HHIPL2: variants seen among roughly 807,000 people sequenced by gnomAD.
HHIPL2 encodes HHIP like 2, also known as HHIP-like protein 2.
HHIPL2 carries 61 observed loss-of-function variants against 61.0 expected under a neutral mutation model. The observed-to-expected ratio is 1.00, with a 90% confidence interval of 0.81 to 1.24. HHIPL2 has a LOEUF of 1.24. Among genes scored for constraint, HHIPL2 ranks in the 50% most tolerant of loss-of-function variants. HHIPL2 has a pLI of 0.00. For missense variants in HHIPL2, 885 were observed against 910.2 expected (o/e 0.97, Z 0.36); for synonymous variants, 343 against 357.4 (o/e 0.96, Z 0.45).
In HHIPL2 at chr1:222,538,649, C is replaced by G. The variant is rs1408720826; in HGVS notation, c.1576G>C (p.Gly526Arg). The change falls in exon 5 of 9, where the codon GGT (glycine) becomes CGT (arginine). Residue 526 changes from glycine (G) to arginine (R), a missense_variant and splice_region_variant. Gly to Arg is a moderately radical substitution (Grantham distance 125). Coordinates refer to ENST00000343410, the MANE Select transcript of HHIPL2 (RefSeq NM_024746.4). Reference sequence around the variant, plus strand: ...GAAGGGACATCAGTCCTTCCTTACCCACTCATGAAGTCTCCAAAGATATAC... The same window carrying G: ...GAAGGGACATCAGTCCTTCCTTACCGACTCATGAAGTCTCCAAAGATATAC... ...GLYIFGDFMSGRLMALQEDRK... is the reference protein window; with the variant it reads ...GLYIFGDFMSRRLMALQEDRK... 4 of 1,613,188 alleles carry G rather than the reference C, an allele frequency of 2.5e-6. No homozygotes were observed. Among genetic ancestry groups the G allele is most frequent in the Non-Finnish European group, 3.4e-6 (4 of 1,179,306 alleles).
intron 7 of HHIPL2, among the ~76,000 whole-genome samples, chr1:222,524,646 A>G (rs1488765242): frequency 6.6e-6 from 1 of 152,222 alleles, no homozygotes; most frequent in African/African-American, 2.4e-5. Flanking sequence ...CATGTTCTCA[A>G]CCACTGTATT....
In HHIPL2 at chr1:222,547,581, G is replaced by A. The variant is rs554820143; in HGVS notation, c.321+143C>T. ...TCAGCACACACTCATGTCAGTGTGCGTGTCCAAAGCCGGCAGCTCCAAGAT... is the reference window on the plus strand; with the variant it reads ...TCAGCACACACTCATGTCAGTGTGCATGTCCAAAGCCGGCAGCTCCAAGAT... On this transcript the variant is annotated intron_variant, in intron 1 of 8. Coordinates refer to ENST00000343410, the MANE Select transcript of HHIPL2 (RefSeq NM_024746.4). 33 of 667,052 alleles carry A rather than the reference G, an allele frequency of 4.9e-5. No individual in the cohort carries two copies. The East Asian group carries it at 5.4e-4, about 11-fold the overall frequency. 41.3% of individuals were successfully genotyped at this position (667,052 alleles called of 1,614,324 possible). A position where few individuals can be genotyped will look rare whatever the true frequency, so the allele number is the denominator to read the frequency against.
intron 5 of HHIPL2, among the ~76,000 whole-genome samples, chr1:222,538,412 TGA>T (rs935462000): frequency 8.1e-6 from 1 of 124,090 alleles, no homozygotes; most frequent in East Asian, 2.6e-4. Context: ...GCCCCTGGTA[TGA>T]GAGAGAGACA....
intron 6 of HHIPL2, among the ~76,000 whole-genome samples, chr1:222,529,823 G>C (rs1479183879): frequency 1.3e-5 from 2 of 152,078 alleles, no homozygotes. Context: ...CAACTCTCAG[G>C]ACCCAGGATG....
chr1:222,530,165 GTT>G (rs11318288), intron 6 of HHIPL2, among the ~76,000 whole-genome samples: 2 of 149,492 alleles, frequency 1.3e-5, no homozygotes, highest in African/African-American at 4.9e-5. Flanking sequence ...CATGACTGTT[GTT>G]TTTTTTTTAT....
intron 5 of HHIPL2, 115 bp from the exon 6 acceptor site, chr1:222,532,226 TC>T: frequency 1.1e-6 from 1 of 880,348 alleles, no homozygotes; most frequent in Non-Finnish European, 1.6e-6. Context: ...CATTAAGAGA[TC>T]AATAACTAGC....
At chr1:222,530,180 T>G (rs140187721) in intron 6 of HHIPL2, among the ~76,000 whole-genome samples, 1 of 152,002 alleles carries the variant, frequency 6.6e-6, no homozygotes, top group Admixed American at 6.6e-5. Context: ...TTTTTTATGC[T>G]GTCTGTTTTC....
chr1:222,523,509 G>T (rs567030488), intron 8 of HHIPL2, 103 bp downstream of exon 8: 2 of 1,031,010 alleles, frequency 1.9e-6, no homozygotes, highest in African/African-American at 1.6e-5. Context: ...TTTCCCTCAG[G>T]GGGTAACTAA....
At chr1:222,537,948 C>A (rs922180954) in intron 5 of HHIPL2, among the ~76,000 whole-genome samples, 7 of 151,980 alleles carry the variant, frequency 4.6e-5, no homozygotes, top group Admixed American at 3.9e-4. Context: ...CTGGGAATAG[C>A]CAAAATGTCC....
rs980120227 is a variant in HHIPL2 at position 222,544,024 on chromosome 1, T to G, written c.487A>C (p.Arg163=). 1 of 1,614,114 alleles carries G rather than the reference T, an allele frequency of 6.2e-7. No homozygotes were observed. Among genetic ancestry groups the G allele is most frequent in the Non-Finnish European group, 8.5e-7 (1 of 1,180,028 alleles). ...NDRGLQESHG[R]DGTRFCHLLD... ...AGGTGGCAGAAGCGGGTACCGTCCC[T>G]TCCATGAGACTCCTGGAGGCCGCGG... The change falls in exon 2 of 9, where the codon AGG becomes CGG. Residue 163 remains arginine (R), a synonymous_variant. Transcript: ENST00000343410.
At chr1:222,527,192 T>C (rs1180527185) in intron 6 of HHIPL2, 142 bp from the exon 7 acceptor site, 17 of 657,940 alleles carry the variant, frequency 2.6e-5, no homozygotes, top group Non-Finnish European at 2.7e-5. Flanking sequence ...GAAACCTAAC[T>C]GGCATCAGCT....
intron 3 of HHIPL2, 62 bp from the exon 4 acceptor site, chr1:222,540,403 A>T: frequency 7.1e-7 from 1 of 1,409,354 alleles, no homozygotes; most frequent in Non-Finnish European, 9.7e-7. Flanking sequence ...GGACTGGAAG[A>T]GATCGCCCAG....
intron 5 of HHIPL2, among the ~76,000 whole-genome samples, chr1:222,538,421 G>GAT (rs141452038): frequency 0.4 from 58,555 of 148,192 alleles, 11,342 homozygotes; most frequent in East Asian, 0.51. Flanking sequence ...ATGAGAGAGA[G>GAT]ACAGAGAGAG....
chr1:222,526,877 G>C (rs1659077698), intron 7 of HHIPL2, 92 bp downstream of exon 7: 1 of 966,302 alleles, frequency 1.0e-6, no homozygotes, highest in Non-Finnish European at 1.6e-6. Context: ...ACATGAGTTT[G>C]CTTCGGGACA....
intron 5 of HHIPL2, among the ~76,000 whole-genome samples, chr1:222,533,839 G>A (rs779546221): frequency 6.6e-6 from 1 of 152,174 alleles, no homozygotes; most frequent in Non-Finnish European, 1.5e-5. Context: ...TGAGAGTCCA[G>A]GAAGACCAAT....
chr1:222,526,158 G>A (rs1659059621), intron 7 of HHIPL2, among the ~76,000 whole-genome samples: 1 of 152,110 alleles, frequency 6.6e-6, no homozygotes, highest in Non-Finnish European at 1.5e-5. Flanking sequence ...GCCTGTGCTG[G>A]TGGAGGTTGG....
intron 5 of HHIPL2, among the ~76,000 whole-genome samples, chr1:222,538,215 T>TGC (rs1427755174): frequency 8.5e-6 from 1 of 118,152 alleles, no homozygotes; most frequent in African/African-American, 4.6e-5. Context: ...TGTGTGTGTG[T>TGC]GTGTGTGTGT....
rs1345409025 is a variant in HHIPL2 at position 222,533,692 on chromosome 1, A to T, written c.1578-1581T>A. On this transcript the variant is annotated intron_variant, in intron 5 of 8. Transcript: ENST00000343410. ...TATACTGAAGATCAGGCAATGGAGGAGTGTGTTCTCTGACAGACAGGAAAC... is the reference window on the plus strand; with the variant it reads ...TATACTGAAGATCAGGCAATGGAGGTGTGTGTTCTCTGACAGACAGGAAAC... Among the ~76,000 whole-genome samples the T allele has an allele frequency of 2.0e-5, 3 of 152,360 alleles. No homozygotes were observed. In the South Asian group the frequency reaches 6.2e-4, roughly 32 times the overall value.
At chr1:222,527,513 C>T (rs1290539258) in intron 6 of HHIPL2, among the ~76,000 whole-genome samples, 1 of 152,118 alleles carries the variant, frequency 6.6e-6, no homozygotes, top group African/African-American at 2.4e-5. Context: ...TTTCCTCTTT[C>T]ATTCTGTCCT....
Sources: gnomAD v4.1 joint callset for allele counts (sites outside exome capture counted in the v4.1 genomes callset) on GRCh38, gnomAD v4.1.1 for gene constraint, MANE v1.5 for transcripts, NCBI Gene and HGNC (gene_info 2026-07-23, HGNC 2026-07-21) for gene names.